Variants in SLC35A5 observed in about 807,000 individuals in gnomAD.
SLC35A5 encodes the protein solute carrier family 35 member A5.
SLC35A5 carries 28 observed loss-of-function variants against 36.3 expected under a neutral mutation model. The ratio of observed to expected loss-of-function variants is 0.77; its 90% CI spans 0.57 to 1.06. The LOEUF is 1.06. Among genes scored for constraint, SLC35A5 ranks in the 50% least tolerant of loss-of-function variants. The probability of loss-of-function intolerance (pLI) is 0.00; values close to 1 mark genes in which losing one functional copy is unlikely to be tolerated. For synonymous variants in SLC35A5, 180 were observed against 173.7 expected (o/e 1.04, Z -0.29); for missense variants, 521 against 499.3 (o/e 1.04, Z -0.41).
intron 1 of SLC35A5, among the ~76,000 whole-genome samples, chr3:112,563,148 C>G (rs1934013949): frequency 6.6e-6 from 1 of 152,224 alleles, no homozygotes; most frequent in Admixed American, 6.5e-5. Context: ...CATTTGCTCA[C>G]CTGCTACCTT....
intron 3 of SLC35A5, among the ~76,000 whole-genome samples, chr3:112,570,022 CTTTGTTTTCTT>C (rs1382223680): frequency 6.6e-6 from 1 of 152,104 alleles, no homozygotes; most frequent in Non-Finnish European, 1.5e-5. Context: ...CTTAAACTGC[CTTTGTTTTCTT>C]TTTGTTTTAC....
Position 112,580,877 on chromosome 3 carries a change from C to T in SLC35A5, c.760C>T (p.Leu254=). The T allele has an allele frequency of 1.9e-6, 3 of 1,614,102 alleles. No individual in the cohort carries two copies. The South Asian group carries it at 3.3e-5, about 18-fold the overall frequency. ...GGCTAATATCTATAATGAAAAGATACTGAAGGAAGGGAACCAGCTCACTGA... is the reference window on the plus strand; with the variant it reads ...GGCTAATATCTATAATGAAAAGATATTGAAGGAAGGGAACCAGCTCACTGA... The part of the protein sequence containing the change: ...SMANIYNEKI[L]KEGNQLTESI... Residue 254 remains leucine, a synonymous_variant, in exon 6 of 7, where the codon CTG becomes TTG. Transcript: ENST00000492406.
At chr3:112,580,148 C>G (rs2969894) in intron 5 of SLC35A5, among the ~76,000 whole-genome samples, 148,971 of 152,296 alleles carry the variant, frequency 0.98, 72,880 homozygotes, top group Admixed American at 0.99. Flanking sequence ...CTGTACACAA[C>G]ATTTCTGAAG....
chr3:112,573,148 G>C (rs1403849354), intron 4 of SLC35A5, among the ~76,000 whole-genome samples: 1 of 152,142 alleles, frequency 6.6e-6, no homozygotes, highest in Non-Finnish European at 1.5e-5. Context: ...ACCTTAAAGT[G>C]ATAGCAAGCA....
intron 2 of SLC35A5, among the ~76,000 whole-genome samples, chr3:112,565,325 T>G (rs1934147257): frequency 6.6e-6 from 1 of 152,116 alleles, no homozygotes; most frequent in South Asian, 2.1e-4. Context: ...TTCAAATGGA[T>G]CAGAGAACAC....
chr3:112,582,099 C>A (rs1173269617), intron 6 of SLC35A5, among the ~76,000 whole-genome samples: 1 of 152,098 alleles, frequency 6.6e-6, no homozygotes, highest in Non-Finnish European at 1.5e-5. Context: ...TTACAATTTT[C>A]TTGAGCACAC....
Position 112,580,521 on chromosome 3 carries a change from A to C in SLC35A5, c.429-25A>C, listed in dbSNP as rs778643049. The C allele has an allele frequency of 5.1e-6, 8 of 1,564,248 alleles. No individual in the cohort carries two copies. The East Asian group carries it at 1.6e-4, about 31-fold the overall frequency. ...TGATATGGGGGGAAAACAGTAGTAA[A>C]ATCTTTTTTTTCATCTTTGAACAGG... On this transcript the variant is annotated intron_variant, in intron 5 of 6. Coordinates refer to ENST00000492406, the MANE Select transcript of SLC35A5 (RefSeq NM_017945.5).
At chr3:112,578,827 C>T (rs963838166) in intron 5 of SLC35A5, among the ~76,000 whole-genome samples, 4 of 151,646 alleles carry the variant, frequency 2.6e-5, no homozygotes, top group Non-Finnish European at 4.4e-5. Context: ...CACTTATATG[C>T]GATTTGCAAT....
chr3:112,566,710 A>G (rs1434959586), intron 2 of SLC35A5, among the ~76,000 whole-genome samples: 1 of 152,240 alleles, frequency 6.6e-6, no homozygotes, highest in Non-Finnish European at 1.5e-5. Context: ...AATATGTTTG[A>G]TAATCTCAGA....
At position 112,580,795 on chromosome 3, in the gene SLC35A5, C is replaced by A. The variant is rs1283633714; in HGVS notation, c.678C>A (p.His226Gln). ...ACACCACAGCCAGAGTTTTCAGTCACATCCGTCTTGGCATGGGCCATGTTC... is the reference window on the plus strand; with the variant it reads ...ACACCACAGCCAGAGTTTTCAGTCAAATCCGTCTTGGCATGGGCCATGTTC... Reference protein sequence around the residue: ...KWNTTARVFSHIRLGMGHVLI... With the variant: ...KWNTTARVFSQIRLGMGHVLI... Residue 226 changes from histidine to glutamine, a missense_variant, in exon 6 of 7, where the codon CAC becomes CAA. By Grantham distance (24) the His-to-Gln change is conservative. Transcript: ENST00000492406. 7 of 1,614,218 alleles carry A rather than the reference C, an allele frequency of 4.3e-6. No homozygotes were observed. The highest frequency in any genetic ancestry group is 5.1e-6 in the Non-Finnish European group (6 of 1,180,014).
intron 5 of SLC35A5, among the ~76,000 whole-genome samples, chr3:112,574,612 T>A (rs1166734679): frequency 6.6e-6 from 1 of 152,144 alleles, no homozygotes; most frequent in Non-Finnish European, 1.5e-5. Flanking sequence ...AACTTCAGTT[T>A]AATTTCTTAC....
intron 2 of SLC35A5, among the ~76,000 whole-genome samples, chr3:112,563,737 A>G (rs545616372): frequency 6.6e-6 from 1 of 152,404 alleles, no homozygotes; most frequent in Non-Finnish European, 1.5e-5. Context: ...TGAGTCAATC[A>G]GATACAAAAA....
chr3:112,568,295 T>G (rs1934288314), intron 2 of SLC35A5, among the ~76,000 whole-genome samples: 1 of 152,210 alleles, frequency 6.6e-6, no homozygotes, highest in Non-Finnish European at 1.5e-5. Flanking sequence ...TTTCCCTACA[T>G]TTGGCCAATT....
At chr3:112,561,588 G>A (rs754964884), upstream of SLC35A5, 126 of 1,533,666 alleles carry the variant, frequency 8.2e-5, no homozygotes, top group Admixed American at 2.2e-4. Flanking sequence ...CGTGTCAGGG[G>A]CCAGGGAGTC....
rs1559866727 is a variant in SLC35A5, at chr3:112,583,480, G to C, written c.*744G>C. 1 of 204,262 alleles carries C rather than the reference G, an allele frequency of 4.9e-6. No individual in the cohort carries two copies. The highest frequency in any genetic ancestry group is 1.1e-4 in the East Asian group (1 of 9,400). The allele number at this position is 204,262 out of a possible 1,614,324, so 12.7% of individuals were successfully genotyped here. On this transcript the variant is annotated 3_prime_UTR_variant, in exon 7 of 7. Coordinates refer to ENST00000492406, the MANE Select transcript of SLC35A5 (RefSeq NM_017945.5). ...CCACGGTGGGGCTTTTTTCTCCTCA[G>C]TTTGAGGAGAAAAATCTTGATGTCA...
chr3:112,582,842 T>A lies in SLC35A5; in HGVS notation c.*106T>A. 1 of 996,468 alleles carries A rather than the reference T, an allele frequency of 1.0e-6. No homozygotes were observed. Among genetic ancestry groups the A allele is most frequent in the Admixed American group, 2.1e-5 (1 of 47,708 alleles). 61.7% of individuals were successfully genotyped at this position (996,468 alleles called of 1,614,324 possible). A position where few individuals can be genotyped will look rare whatever the true frequency, so the allele number is the denominator to read the frequency against. On this transcript the variant is annotated 3_prime_UTR_variant, in exon 7 of 7. Transcript: ENST00000492406. ...ATAAACCAGAAATGTTTCTAAATCC[T>A]AATATTCTTTGCATATATCTAGCTA...
At chr3:112,575,235 C>T (rs770815547) in intron 5 of SLC35A5, among the ~76,000 whole-genome samples, 5 of 152,104 alleles carry the variant, frequency 3.3e-5, no homozygotes, top group Non-Finnish European at 5.9e-5. Context: ...GTCTCAAAAA[C>T]ATGTATTTTT....
At chr3:112,568,913 T>C (rs2638031) in intron 2 of SLC35A5, among the ~76,000 whole-genome samples, 34,626 of 152,066 alleles carry the variant, frequency 0.23, 7,243 homozygotes, top group African/African-American at 0.55. Flanking sequence ...CTAGCCTCCT[T>C]AATGTATTAG....
chr3:112,568,192 A>G (rs1559856971), intron 2 of SLC35A5, among the ~76,000 whole-genome samples: 1 of 152,242 alleles, frequency 6.6e-6, no homozygotes, highest in Non-Finnish European at 1.5e-5. Context: ...AGAGATGAAT[A>G]AAGAATTGAT....
Sources: gnomAD v4.1 joint callset for allele counts (sites outside exome capture counted in the v4.1 genomes callset) on GRCh38, gnomAD v4.1.1 for gene constraint, MANE v1.5 for transcripts, NCBI Gene and HGNC (gene_info 2026-07-23, HGNC 2026-07-21) for gene names.